The following ADGRL3 variants were observed in gnomAD, a reference collection of about 807,000 sequenced individuals.
The protein encoded by ADGRL3 is adhesion G protein-coupled receptor L3.
ADGRL3 carries 62 observed loss-of-function variants against 153.5 expected under a neutral mutation model. That is an observed-to-expected ratio of 0.40 (90% confidence interval 0.33 to 0.50). ADGRL3 has a LOEUF of 0.50. Ranked by LOEUF, ADGRL3 falls within the 20% of genes least tolerant of loss-of-function variation. The pLI is 0.47. For missense variants in ADGRL3, 1,641 were observed against 1,859.4 expected, an observed-to-expected ratio of 0.88 and a Z score of 2.16; for synonymous variants, 710 against 672.5, an observed-to-expected ratio of 1.06 and a Z score of -0.86.
At chr4:61,847,728 A>ATATATATAATACAAAATATAT (rs1267505072) in intron 9 of ADGRL3, among the ~76,000 whole-genome samples, 1 of 44,424 alleles carries the variant, frequency 2.3e-5, no homozygotes, top group Non-Finnish European at 3.8e-5. Flanking sequence ...AAAATATATT[A>ATATATATAATACAAAATATAT]TATATATAAT....
intron 4 of ADGRL3, among the ~76,000 whole-genome samples, chr4:61,569,344 T>A (rs1014114383): frequency 6.6e-6 from 1 of 152,196 alleles, no homozygotes; most frequent in African/African-American, 2.4e-5. Flanking sequence ...ATTTATACAG[T>A]TGTATGACCA....
At chr4:61,967,943 C>T (rs1467152599) in intron 17 of ADGRL3, among the ~76,000 whole-genome samples, 1 of 152,110 alleles carries the variant, frequency 6.6e-6, no homozygotes, top group Non-Finnish European at 1.5e-5. Context: ...GGCAAGGATA[C>T]TTTTGTCAGA....
chr4:61,456,781 C>A (rs1304208042), intron 2 of ADGRL3, among the ~76,000 whole-genome samples: 1 of 151,622 alleles, frequency 6.6e-6, no homozygotes, highest in Non-Finnish European at 1.5e-5. Context: ...GAAAACACTT[C>A]ATTTGTCAGT....
intron 8 of ADGRL3, among the ~76,000 whole-genome samples, chr4:61,777,360 A>G (rs559913923): frequency 6.6e-6 from 1 of 152,258 alleles, no homozygotes; most frequent in East Asian, 1.9e-4. Flanking sequence ...ATTTCTCTAA[A>G]AAAAGGTTTT....
chr4:61,762,604 C>T (rs2096926137), intron 8 of ADGRL3, among the ~76,000 whole-genome samples: 1 of 152,018 alleles, frequency 6.6e-6, no homozygotes, highest in Non-Finnish European at 1.5e-5. Flanking sequence ...AAGGCAAATA[C>T]CGTAAGTTAA....
chr4:61,690,826 GTTAC>G (rs2095527446), intron 6 of ADGRL3, among the ~76,000 whole-genome samples: 1 of 151,970 alleles, frequency 6.6e-6, no homozygotes. Flanking sequence ...GTCCTGCTCT[GTTAC>G]TTATCAAGAG....
At chr4:61,972,957 G>A (rs1429573175) in intron 17 of ADGRL3, among the ~76,000 whole-genome samples, 1 of 151,862 alleles carries the variant, frequency 6.6e-6, no homozygotes. Flanking sequence ...CAGGGTGATT[G>A]TTCAAGCAGT....
intron 1 of ADGRL3, among the ~76,000 whole-genome samples, chr4:61,358,340 G>A (rs531802318): frequency 6.6e-6 from 1 of 152,200 alleles, no homozygotes; most frequent in Admixed American, 6.5e-5. Flanking sequence ...GCTCACGCCT[G>A]TAAGTCCAGC....
At chr4:61,304,281 T>C (rs1490424278) in intron 1 of ADGRL3, among the ~76,000 whole-genome samples, 1 of 152,230 alleles carries the variant, frequency 6.6e-6, no homozygotes, top group East Asian at 1.9e-4. Flanking sequence ...CCAGTAGTTG[T>C]GCAATTCTCA....
chr4:61,398,662 C>G (rs1156614254), intron 2 of ADGRL3, among the ~76,000 whole-genome samples: 1 of 151,408 alleles, frequency 6.6e-6, no homozygotes, highest in Admixed American at 6.6e-5. Flanking sequence ...CCTCCCACTT[C>G]ACTTATGGAA....
At position 62,070,929 on chromosome 4, in the gene ADGRL3, AC is replaced by A. The variant is rs1286897280; in HGVS notation, c.*23del. The A allele has an allele frequency of 6.6e-7, 1 of 1,518,082 alleles. No individual in the cohort carries two copies. Among genetic ancestry groups the A allele is most frequent in the South Asian group, 1.3e-5 (1 of 79,298 alleles). 94.0% of individuals were successfully genotyped at this position (1,518,082 alleles called of 1,614,324 possible). ...TATAGAAGATGACACAGAAATTGGA[AC>A]CAACAAAACTGCTAACACCTTGTTG... On this transcript the variant is annotated 3_prime_UTR_variant, in exon 27 of 27. Coordinates refer to ENST00000683033, the MANE Select transcript of ADGRL3 (RefSeq NM_001387552.1).
At chr4:61,352,310 A>G (rs941127265) in intron 1 of ADGRL3, among the ~76,000 whole-genome samples, 48 of 152,348 alleles carry the variant, frequency 3.2e-4, no homozygotes, top group African/African-American at 1.1e-3. Context: ...CATTTTTAGC[A>G]ATAAACTATT....
At chr4:61,361,802 T>G (rs1307916487) in intron 1 of ADGRL3, among the ~76,000 whole-genome samples, 1 of 152,054 alleles carries the variant, frequency 6.6e-6, no homozygotes, top group Non-Finnish European at 1.5e-5. Flanking sequence ...CAAAAAAGTT[T>G]AAAATGTTAA....
chr4:62,070,557 C>A lies in ADGRL3; in HGVS notation c.4281C>A (p.Asp1427Glu). The A allele has an allele frequency of 6.4e-7, 1 of 1,550,800 alleles. No individual in the cohort carries two copies. Among genetic ancestry groups the A allele is most frequent in the South Asian group, 1.2e-5 (1 of 84,010 alleles). The change falls in exon 27 of 27, where the codon GAC becomes GAA. Residue 1427 changes from aspartate (D) to glutamate (E), a missense_variant. Physicochemically the swap from Asp to Glu is conservative, Grantham distance 45 (BLOSUM62 2). Transcript: ENST00000683033. ...HHYTRRRIPQDHSESFFPLLT... is the reference protein window; with the variant it reads ...HHYTRRRIPQEHSESFFPLLT... Reference sequence around the variant, plus strand: ...ATACCAGAAGGCGGATCCCCCAAGACCACAGTGAGAGCTTTTTCCCTTTGC... The same window carrying A: ...ATACCAGAAGGCGGATCCCCCAAGAACACAGTGAGAGCTTTTTCCCTTTGC...
At chr4:61,961,101 G>T (rs902803150) in intron 17 of ADGRL3, among the ~76,000 whole-genome samples, 1 of 151,884 alleles carries the variant, frequency 6.6e-6, no homozygotes, top group Non-Finnish European at 1.5e-5. Flanking sequence ...ATTCACCCAG[G>T]CCTCCTATGT....
chr4:61,837,554 A>G (rs1233798573), intron 9 of ADGRL3, among the ~76,000 whole-genome samples: 1 of 152,108 alleles, frequency 6.6e-6, no homozygotes, highest in South Asian at 2.1e-4. Flanking sequence ...TAGGGCATTA[A>G]AATTTTCCAA....
At chr4:61,405,620 A>G (rs965433319) in intron 2 of ADGRL3, among the ~76,000 whole-genome samples, 1 of 151,980 alleles carries the variant, frequency 6.6e-6, no homozygotes, top group African/African-American at 2.4e-5. Context: ...ATGTAAAATT[A>G]TATGCTAAAT....
At chr4:61,444,700 A>G (rs1220049919) in intron 2 of ADGRL3, among the ~76,000 whole-genome samples, 1 of 152,082 alleles carries the variant, frequency 6.6e-6, no homozygotes, top group Non-Finnish European at 1.5e-5. Context: ...GTATTTTGTC[A>G]TTAAAAAACT....
chr4:61,687,818 AT>A (rs908842330), intron 6 of ADGRL3, among the ~76,000 whole-genome samples: 3 of 152,026 alleles, frequency 2.0e-5, no homozygotes, highest in Non-Finnish European at 4.4e-5. Context: ...TCAAATAGAA[AT>A]TTTTTTACAA....
Sources: gnomAD v4.1 joint callset for allele counts (sites outside exome capture counted in the v4.1 genomes callset) on GRCh38, gnomAD v4.1.1 for gene constraint, MANE v1.5 for transcripts, NCBI Gene and HGNC (gene_info 2026-07-23, HGNC 2026-07-21) for gene names.